The following FAM78A variants were observed in gnomAD, a reference collection of about 807,000 sequenced individuals.
FAM78A encodes the protein family with sequence similarity 78 member A.
In FAM78A, 12 loss-of-function variants were observed where a neutral mutation model predicts 22.6. The observed-to-expected ratio is 0.53, with a 90% CI of 0.34 to 0.86. FAM78A has a LOEUF of 0.86. Ranked by LOEUF, FAM78A falls within the 40% of genes least tolerant of loss-of-function variation. The probability of loss-of-function intolerance (pLI) is 0.02; values close to 1 mark genes in which losing one functional copy is unlikely to be tolerated. For missense variants in FAM78A, 322 were observed against 396.1 expected, an observed-to-expected ratio of 0.81 and a Z score of 1.59; for synonymous variants, 151 against 155.8, an observed-to-expected ratio of 0.97 and a Z score of 0.23.
chr9:131,271,894 TG>T (rs970237161), intron 1 of FAM78A, among the ~76,000 whole-genome samples: 12 of 136,870 alleles, frequency 8.8e-5, no homozygotes, highest in South Asian at 5.0e-4. Context: ...ACAATTTGGA[TG>T]GGGGGGGTTG....
intron 1 of FAM78A, chr9:131,270,472 G>A (rs1281856312): frequency 1.4e-6 from 1 of 717,004 alleles, no homozygotes; most frequent in East Asian, 2.7e-5. Context: ...GGTCTCCAAT[G>A]TTTGTTTCCA....
intron 1 of FAM78A, among the ~76,000 whole-genome samples, chr9:131,271,401 C>T (rs970501279): frequency 1.3e-5 from 2 of 152,148 alleles, no homozygotes; most frequent in African/African-American, 2.4e-5. Context: ...ATGGTATTGA[C>T]GGCTACCATA....
rs955411302 is a variant in FAM78A at position 131,275,476 on chromosome 9, T to G, written c.323+381A>C. On this transcript the variant is annotated intron_variant, in intron 1 of 1. Coordinates refer to ENST00000372271, the MANE Select transcript of FAM78A (RefSeq NM_033387.4). The surrounding 1 kb of genome is among the most constrained non-coding windows in gnomAD (Gnocchi z 4.6). ...ATGGGCCCGCACAGGGCCAGAGGCC[T>G]GGAGGGCAGCCCTGCAGCCTCTCTG... 1.3e-5 allele frequency among the ~76,000 whole-genome samples: 2 copies of G among 152,248 alleles called. No individual in the cohort carries two copies. The highest frequency in any genetic ancestry group is 2.4e-5 in the African/African-American group (1 of 41,464).
Position 131,260,606 on chromosome 9 carries a change from T to C in FAM78A, c.*216A>G. The C allele has an allele frequency of 2.2e-6, 1 of 450,594 alleles. No individual in the cohort carries two copies. Among genetic ancestry groups the C allele is most frequent in the Non-Finnish European group, 3.8e-6 (1 of 260,942 alleles). The allele number at this position is 450,594 out of a possible 1,614,324, so 27.9% of individuals were successfully genotyped here. On this transcript the variant is annotated 3_prime_UTR_variant, in exon 2 of 2. Transcript: ENST00000372271. This position sits in a 1 kb window ranked among gnomAD's most constrained non-coding sequence, Gnocchi z 5.4. The stretch of plus-strand genomic sequence containing the variant: ...CCAGAGGTCACCCTGAGGGCGCACG[T>C]GGGGTCTGTCTGTCCTGCTTAGATC...
chr9:131,271,001 CTTTTTTTTTTTTT>C (rs60077536), intron 1 of FAM78A, among the ~76,000 whole-genome samples: 4 of 70,374 alleles, frequency 5.7e-5, no homozygotes, highest in Admixed American at 2.8e-4. Context: ...TCCCACCAGT[CTTTTTTTTTTTTT>C]TTTTTTTTTG....
chr9:131,261,527 TCAC>T lies in FAM78A; in HGVS notation c.324-180_324-178del, dbSNP rs1306632878. ...AGACAGTAGCTCGGAGTCACTGTCA[TCAC>T]TGCTGCTGTTACAATCATAACCCTC... On this transcript the variant is annotated intron_variant, in intron 1 of 1. Transcript: ENST00000372271. This position sits in a 1 kb window ranked among gnomAD's most constrained non-coding sequence, Gnocchi z 7.1. Among the ~76,000 whole-genome samples, 1 of 152,080 alleles carries T rather than the reference TCAC, an allele frequency of 6.6e-6. No individual in the cohort carries two copies. The highest frequency in any genetic ancestry group is 1.9e-4 in the East Asian group (1 of 5,172).
upstream of FAM78A, among the ~76,000 whole-genome samples, chr9:131,277,555 G>A (rs970187520): frequency 2.6e-5 from 4 of 151,650 alleles, no homozygotes; most frequent in African/African-American, 9.7e-5. This position sits in a 1 kb window ranked among gnomAD's most constrained non-coding sequence, Gnocchi z 8.4. Flanking sequence ...CACCTGCCCC[G>A]GGGGCCACTC....
At chr9:131,264,583 C>A in intron 1 of FAM78A, 1 of 717,354 alleles carries the variant, frequency 1.4e-6, no homozygotes, top group East Asian at 2.7e-5. Flanking sequence ...CTGATACTCA[C>A]TGCCTGGTGC....
At chr9:131,278,213 T>G (rs1489336413), upstream of FAM78A, among the ~76,000 whole-genome samples, 1 of 151,506 alleles carries the variant, frequency 6.6e-6, no homozygotes, top group Non-Finnish European at 1.5e-5. Context: ...ACAAACGACA[T>G]TTCCTTTTTG....
chr9:131,268,708 G>T (rs180677457), intron 1 of FAM78A, among the ~76,000 whole-genome samples: 192 of 151,880 alleles, frequency 1.3e-3, no homozygotes, highest in African/African-American at 4.3e-3. Flanking sequence ...AGACAGAGAC[G>T]GGTGAAACCC....
rs138382172 is a variant in FAM78A at position 131,274,460 on chromosome 9, G to A, written c.323+1397C>T. Among the ~76,000 whole-genome samples the A allele has an allele frequency of 3.7e-3, 562 of 152,266 alleles. 5 individuals are homozygous for A. Among genetic ancestry groups the A allele is most frequent in the Middle Eastern group, 0.01 (3 of 294 alleles). On this transcript the variant is annotated intron_variant, in intron 1 of 1. Transcript: ENST00000372271. This position sits in a 1 kb window ranked among gnomAD's most constrained non-coding sequence, Gnocchi z 4.2. ...ACAGAAAGGCAGCACCCCCTCCCCC[G>A]AACTGGATTACTAGCTGCTCTTGAG...
intron 1 of FAM78A, among the ~76,000 whole-genome samples, chr9:131,269,681 T>G (rs1316314759): frequency 6.6e-6 from 1 of 152,140 alleles, no homozygotes; most frequent in Non-Finnish European, 1.5e-5. Context: ...TTCGCCATGT[T>G]GGCCAGGCTG....
chr9:131,262,371 G>A (rs1835283874), intron 1 of FAM78A, among the ~76,000 whole-genome samples: 1 of 151,406 alleles, frequency 6.6e-6, no homozygotes, highest in Non-Finnish European at 1.5e-5. Flanking sequence ...CTGTAATCAG[G>A]AGGCTGAGGC....
At chr9:131,277,098 GCC>G (rs980461645), upstream of FAM78A, among the ~76,000 whole-genome samples, 3 of 151,276 alleles carry the variant, frequency 2.0e-5, no homozygotes, top group Non-Finnish European at 4.4e-5. The surrounding 1 kb of genome is among the most constrained non-coding windows in gnomAD (Gnocchi z 8.4). Flanking sequence ...GGAGGCGGTG[GCC>G]CCCGCCCCCC....
chr9:131,270,467 C>T, intron 1 of FAM78A: 1 of 717,128 alleles, frequency 1.4e-6, no homozygotes, highest in Non-Finnish European at 2.6e-6. Context: ...CACTTGGTCT[C>T]CAATGTTTGT....
rs1835482987 is a variant in FAM78A at position 131,276,246 on chromosome 9, G to A, written c.-67C>T. Reference sequence around the variant, plus strand: ...CTCTCCAATCTCAACTCTCAAGACCGATATCCATAGGATAGAAAACTCACT... The same window carrying A: ...CTCTCCAATCTCAACTCTCAAGACCAATATCCATAGGATAGAAAACTCACT... On this transcript the variant is annotated 5_prime_UTR_variant, in exon 1 of 2. Coordinates refer to ENST00000372271, the MANE Select transcript of FAM78A (RefSeq NM_033387.4). This position sits in a 1 kb window ranked among gnomAD's most constrained non-coding sequence, Gnocchi z 4.3. The A allele has an allele frequency of 5.9e-6, 8 of 1,346,354 alleles. No homozygotes were observed. The highest frequency in any genetic ancestry group is 5.4e-5 in the South Asian group (4 of 74,246). The allele number at this position is 1,346,354 out of a possible 1,614,324, so 83.4% of individuals were successfully genotyped here. A position where few individuals can be genotyped will look rare whatever the true frequency, so the allele number is the denominator to read the frequency against.
At chr9:131,269,476 C>A (rs552241462) in intron 1 of FAM78A, among the ~76,000 whole-genome samples, 1 of 151,556 alleles carries the variant, frequency 6.6e-6, no homozygotes, top group Admixed American at 6.6e-5. Context: ...AACATCCTCA[C>A]GTGTGCATTT....
Position 131,272,803 on chromosome 9 carries a change from T to C in FAM78A, c.323+3054A>G, listed in dbSNP as rs1835436509. ...AAAATTAGCTGGGCATGGTGGCGCA[T>C]GCCTGTAATCCCAGCTACTCTGGAG... is the stretch of plus-strand genomic sequence containing the variant. On this transcript the variant is annotated intron_variant, in intron 1 of 1. Coordinates refer to ENST00000372271, the MANE Select transcript of FAM78A (RefSeq NM_033387.4). This position sits in a 1 kb window ranked among gnomAD's most constrained non-coding sequence, Gnocchi z 4.1. Among the ~76,000 whole-genome samples, 1 of 152,082 alleles carries C rather than the reference T, an allele frequency of 6.6e-6. No individual in the cohort carries two copies. Among genetic ancestry groups the C allele is most frequent in the Non-Finnish European group, 1.5e-5 (1 of 68,014 alleles).
chr9:131,263,799 C>A (rs1456512355), intron 1 of FAM78A: 2 of 152,576 alleles, frequency 1.3e-5, no homozygotes, highest in Non-Finnish European at 2.9e-5. Context: ...TTGAAAAGCT[C>A]ACTCATTAGA....
Sources: gnomAD v4.1 joint callset for allele counts (sites outside exome capture counted in the v4.1 genomes callset) on GRCh38, gnomAD v4.1.1 for gene constraint, Gnocchi (gnomAD v3.1) non-coding constraint, MANE v1.5 for transcripts, NCBI Gene and HGNC (gene_info 2026-07-23, HGNC 2026-07-21) for gene names.